Variants in HPSE2 observed in about 807,000 individuals in gnomAD.
HPSE2 encodes inactive heparanase-2.
Under a neutral mutation model 60.5 loss-of-function variants are expected in HPSE2, and 38 were observed. That is an observed-to-expected ratio of 0.63 (90% CI 0.48 to 0.82). The LOEUF (loss-of-function observed/expected upper bound fraction) is 0.82. Ranked by LOEUF, HPSE2 falls within the 40% of genes least tolerant of loss-of-function variation. The pLI is 0.00. For synonymous variants in HPSE2, 295 were observed against 293.2 expected (o/e 1.01, Z -0.06); for missense variants, 713 against 740.4 (o/e 0.96, Z 0.43).
intron 1 of HPSE2, 109 bp from the exon 2 acceptor site, chr10:99,232,614 T>C (rs1479117107): frequency 7.9e-7 from 1 of 1,272,678 alleles, no homozygotes; most frequent in Non-Finnish European, 1.1e-6. Context: ...TGGCCGGGGC[T>C]AGAGGCTCTG....
intron 6 of HPSE2, among the ~76,000 whole-genome samples, chr10:98,686,414 T>C: frequency 6.6e-6 from 1 of 152,200 alleles, no homozygotes; most frequent in Non-Finnish European, 1.5e-5. Context: ...GTTATTTATT[T>C]ATTTAGAGAT....
intron 3 of HPSE2, among the ~76,000 whole-genome samples, chr10:98,828,849 C>T (rs1411613973): frequency 2.0e-5 from 3 of 152,130 alleles, no homozygotes; most frequent in Non-Finnish European, 4.4e-5. Flanking sequence ...AATTCCATTT[C>T]TGACTATATA....
At chr10:98,744,102 C>CTTGGG (rs1255243228) in intron 3 of HPSE2, 46 bp from the exon 4 acceptor site, 1 of 1,566,368 alleles carries the variant, frequency 6.4e-7, no homozygotes, top group Non-Finnish European at 8.7e-7. Flanking sequence ...ATCAACATTC[C>CTTGGG]AACAAAAGGA....
At chr10:98,886,361 T>G (rs907054805) in intron 3 of HPSE2, among the ~76,000 whole-genome samples, 2 of 152,116 alleles carry the variant, frequency 1.3e-5, no homozygotes, top group South Asian at 4.1e-4. Context: ...ATAGAACATA[T>G]TTAAAAATGT....
At chr10:98,476,908 A>T (rs1941046057) in intron 11 of HPSE2, among the ~76,000 whole-genome samples, 1 of 152,230 alleles carries the variant, frequency 6.6e-6, no homozygotes, top group East Asian at 1.9e-4. Flanking sequence ...AAATATATTC[A>T]TTCTGTAAGG....
chr10:99,279,482 C>G, the HPSE2 span, among the ~76,000 whole-genome samples: 4 of 152,184 alleles, frequency 2.6e-5, no homozygotes, highest in African/African-American at 9.7e-5. Context: ...AAATAAAATC[C>G]AGGTTCCAAT....
At chr10:99,036,699 A>G (rs1957617311) in intron 3 of HPSE2, among the ~76,000 whole-genome samples, 1 of 152,236 alleles carries the variant, frequency 6.6e-6, no homozygotes, top group Non-Finnish European at 1.5e-5. Context: ...ATGCATGCTT[A>G]AATTAGTGGG....
rs1325956908 is a variant in HPSE2, at chr10:98,698,054, C to A, written c.957-4107G>T. Among the ~76,000 whole-genome samples, 55 of 122,068 alleles carry A rather than the reference C, an allele frequency of 4.5e-4. 1 individual carries two copies. Among genetic ancestry groups the A allele is most frequent in the African/African-American group, 1.3e-3 (47 of 35,126 alleles). The allele number at this position is 122,068 out of a possible 152,430, so 80.1% of individuals were successfully genotyped here. Reference sequence around the variant, plus strand: ...ACAATAATAATGGGAGACTTTAACACCCCACTGTCAACATTAGACAGATCA... The same window carrying A: ...ACAATAATAATGGGAGACTTTAACAACCCACTGTCAACATTAGACAGATCA... On this transcript the variant is annotated intron_variant, in intron 5 of 11. Coordinates refer to ENST00000370552, the MANE Select transcript of HPSE2 (RefSeq NM_021828.5).
At chr10:99,281,417 TTC>T in the HPSE2 span, among the ~76,000 whole-genome samples, 3 of 151,742 alleles carry the variant, frequency 2.0e-5, no homozygotes, top group Non-Finnish European at 4.4e-5. Context: ...AAAACATATA[TTC>T]TGTTTTCTGT....
chr10:98,999,297 T>C (rs539775228), intron 3 of HPSE2, among the ~76,000 whole-genome samples: 3 of 152,254 alleles, frequency 2.0e-5, no homozygotes, highest in East Asian at 3.9e-4. Context: ...AACAATGCTA[T>C]TGCAATTTGA....
At chr10:98,594,086 T>C (rs866093853) in intron 9 of HPSE2, among the ~76,000 whole-genome samples, 10 of 152,268 alleles carry the variant, frequency 6.6e-5, no homozygotes, top group Middle Eastern at 3.4e-3. Flanking sequence ...ATAATATGTA[T>C]ATATTGTGAA....
chr10:99,158,814 T>TAATTAACTGA (rs1221914953), intron 2 of HPSE2, among the ~76,000 whole-genome samples: 6 of 151,612 alleles, frequency 4.0e-5, no homozygotes, highest in Non-Finnish European at 5.9e-5. Flanking sequence ...AACTGACTAG[T>TAATTAACTGA]CTTTTTAAGA....
intron 3 of HPSE2, chr10:98,924,467 C>T (rs535682214): frequency 7.9e-5 from 12 of 152,274 alleles, no homozygotes; most frequent in South Asian, 2.1e-4. Flanking sequence ...TTCTATTCTA[C>T]GGAAGCTAAG....
chr10:98,967,810 G>C (rs79429190), intron 3 of HPSE2, among the ~76,000 whole-genome samples: 1,901 of 152,240 alleles, frequency 0.012, 16 homozygotes, highest in Admixed American at 0.021. Flanking sequence ...ATTTTAACTT[G>C]GGAGAGCCCA....
chr10:99,222,178 C>T (rs1446560522), intron 2 of HPSE2, among the ~76,000 whole-genome samples: 2 of 152,086 alleles, frequency 1.3e-5, no homozygotes, highest in African/African-American at 2.4e-5. Context: ...ATGAGAAACA[C>T]TGTGCTGCTA....
chr10:99,104,514 A>G (rs536936372), intron 3 of HPSE2, among the ~76,000 whole-genome samples: 28 of 152,340 alleles, frequency 1.8e-4, no homozygotes, highest in African/African-American at 6.5e-4. Flanking sequence ...CAATTCCTCA[A>G]CAATCTAGAA....
chr10:99,008,491 A>G (rs1412382395), intron 3 of HPSE2, among the ~76,000 whole-genome samples: 2 of 152,216 alleles, frequency 1.3e-5, no homozygotes, highest in Non-Finnish European at 2.9e-5. Flanking sequence ...AAGGACATGA[A>G]AATACAAGAT....
chr10:98,500,360 C>A (rs2133707667), intron 9 of HPSE2, among the ~76,000 whole-genome samples: 1 of 152,232 alleles, frequency 6.6e-6, no homozygotes. Context: ...TGGAAATCAA[C>A]TCCAAAAGGA....
intron 3 of HPSE2, among the ~76,000 whole-genome samples, chr10:98,882,563 T>C (rs1027287728): frequency 5.3e-5 from 8 of 151,902 alleles, no homozygotes; most frequent in Non-Finnish European, 1.2e-4. Flanking sequence ...ATCATTAGAG[T>C]GTAAGAGACT....
Sources: allele counts gnomAD v4.1 joint callset (sites outside exome capture counted in the v4.1 genomes callset), GRCh38; gene constraint gnomAD v4.1.1; transcripts MANE v1.5; gene names NCBI Gene and HGNC (gene_info 2026-07-23, HGNC 2026-07-21).